The following EPRS1 variants were observed in gnomAD, a reference collection of about 807,000 sequenced individuals.
The protein encoded by EPRS1 is bifunctional glutamate/proline--tRNA ligase.
A neutral mutation model predicts 188.3 loss-of-function variants in EPRS1; 107 were observed. The ratio of observed to expected loss-of-function variants is 0.57; its 90% CI spans 0.49 to 0.67. The LOEUF is 0.67. EPRS1 is among the 30% of genes least tolerant of loss of function. The pLI, the probability that EPRS1 is intolerant of heterozygous loss-of-function variation, is 0.00. For missense variants in EPRS1, 1,577 were observed against 1,802.2 expected (o/e 0.88, Z 2.26); for synonymous variants, 596 against 593.1 (o/e 1.00, Z -0.07).
intron 18 of EPRS1, among the ~76,000 whole-genome samples, chr1:219,994,172 C>G (rs1169087271): frequency 2.0e-5 from 3 of 152,182 alleles, no homozygotes; most frequent in Non-Finnish European, 2.9e-5. Flanking sequence ...GCATTCTCCC[C>G]ATGTCTGTGT....
At chr1:219,975,925 A>G (rs1317132457) in intron 28 of EPRS1, among the ~76,000 whole-genome samples, 1 of 152,146 alleles carries the variant, frequency 6.6e-6, no homozygotes, top group Non-Finnish European at 1.5e-5. Flanking sequence ...GATAGCTCAA[A>G]AGCAATGAGC....
intron 10 of EPRS1, 23 bp from the exon 11 acceptor site, chr1:220,019,102 T>TC (rs1280007199): frequency 6.7e-7 from 1 of 1,483,804 alleles, no homozygotes; most frequent in Admixed American, 1.7e-5. Context: ...AAATTTTAAG[T>TC]ACCAAGGAAA....
At chr1:220,041,155 A>T (rs551406576) in intron 1 of EPRS1, among the ~76,000 whole-genome samples, 1 of 151,612 alleles carries the variant, frequency 6.6e-6, no homozygotes, top group African/African-American at 2.4e-5. Context: ...ACATAGTGAG[A>T]CCCCGTCTCT....
chr1:220,014,861 G>A (rs961899689), intron 12 of EPRS1, among the ~76,000 whole-genome samples: 4 of 152,208 alleles, frequency 2.6e-5, no homozygotes, highest in Admixed American at 1.3e-4. Context: ...TATCTTTAAC[G>A]TGAAAGAAAC....
chr1:219,982,381 T>C (rs1274355317), intron 23 of EPRS1: 1 of 154,158 alleles, frequency 6.5e-6, no homozygotes, highest in East Asian at 1.9e-4. Flanking sequence ...TAGCAACCTA[T>C]GAACACCCTA....
intron 13 of EPRS1, 30 bp downstream of exon 13, chr1:220,010,916 G>T: frequency 7.8e-7 from 1 of 1,287,068 alleles, no homozygotes; most frequent in East Asian, 2.3e-5. Context: ...TTAACAGAGA[G>T]AAACACATTG....
chr1:220,018,866 ATC>A, intron 11 of EPRS1, 127 bp downstream of exon 11: 1 of 500,488 alleles, frequency 2.0e-6, no homozygotes, highest in Non-Finnish European at 3.3e-6. Flanking sequence ...AAAAAAAAAA[ATC>A]TGCCCTTGGA....
chr1:219,970,770 C>T (rs1406703006), intron 30 of EPRS1, among the ~76,000 whole-genome samples: 1 of 127,846 alleles, frequency 7.8e-6, no homozygotes, highest in South Asian at 2.8e-4. Context: ...AAAGCAAGAC[C>T]CTGTACCAAA....
intron 30 of EPRS1, among the ~76,000 whole-genome samples, chr1:219,970,199 A>G (rs533536715): frequency 2.0e-5 from 3 of 152,250 alleles, no homozygotes; most frequent in Non-Finnish European, 4.4e-5. Flanking sequence ...TTTGTCTTCA[A>G]TAACAATTAT....
chr1:220,006,842 A>C (rs1021132203), intron 14 of EPRS1, among the ~76,000 whole-genome samples: 5 of 152,224 alleles, frequency 3.3e-5, no homozygotes, highest in Admixed American at 2.0e-4. Context: ...TTTTAAAGTA[A>C]ATTTTAGTAA....
chr1:219,973,947 T>G (rs1348955717), intron 28 of EPRS1, among the ~76,000 whole-genome samples: 1 of 152,018 alleles, frequency 6.6e-6, no homozygotes, highest in Non-Finnish European at 1.5e-5. Flanking sequence ...GAGAATTTGT[T>G]TTTTTTTGTT....
intron 17 of EPRS1, among the ~76,000 whole-genome samples, chr1:220,000,136 T>A (rs1381210138): frequency 6.6e-6 from 1 of 152,226 alleles, no homozygotes; most frequent in Admixed American, 6.5e-5. Context: ...GTATGTGATT[T>A]TGCAGAACAT....
At chr1:220,037,961 A>G (rs1038716899) in intron 2 of EPRS1, among the ~76,000 whole-genome samples, 4 of 152,236 alleles carry the variant, frequency 2.6e-5, no homozygotes, top group African/African-American at 9.6e-5. Context: ...CAGAATGGTA[A>G]TCAAATGACA....
At chr1:219,991,327 T>C (rs1661118295) in intron 18 of EPRS1, among the ~76,000 whole-genome samples, 1 of 152,132 alleles carries the variant, frequency 6.6e-6, no homozygotes. Context: ...AAAAACTTTT[T>C]TCAAAAAATA....
Position 220,044,681 on chromosome 1 carries a change from C to CAAAAAAAAA in EPRS1, c.46+1653_46+1661dup, listed in dbSNP as rs71560597. ...CAGAGGTTGCAATGAGCTCGGTCTC[C>CAAAAAAAAA]AAAAAAAAAAAAAAAAAAAAAAAAA... is the stretch of plus-strand genomic sequence containing the variant. On this transcript the variant is annotated intron_variant, in intron 1 of 31. Coordinates refer to ENST00000366923, the MANE Select transcript of EPRS1 (RefSeq NM_004446.3). Among the ~76,000 whole-genome samples, 149 of 88,320 alleles carry CAAAAAAAAA rather than the reference C, an allele frequency of 1.7e-3. 17 individuals are homozygous for CAAAAAAAAA. Among genetic ancestry groups the CAAAAAAAAA allele is most frequent in the African/African-American group, 4.4e-3 (106 of 24,098 alleles). 57.9% of individuals were successfully genotyped at this position (88,320 alleles called of 152,430 possible). A position where few individuals can be genotyped will look rare whatever the true frequency, so the allele number is the denominator to read the frequency against.
At position 220,033,611 on chromosome 1, in the gene EPRS1, A is replaced by C; in HGVS notation, c.279T>G (p.Asp93Glu). ...EFSATKLSSC[D>E]SFTSTINELN... ...GTTCATTAATTGTAGAAGTAAAGGA[A>C]TCACATGAAGATAATTTTGTAGCAC... is the stretch of plus-strand genomic sequence containing the variant. Residue 93 changes from aspartate (D) to glutamate (E), a missense_variant, in exon 4 of 32, where the codon GAT (aspartate) becomes GAG (glutamate). Asp to Glu is a conservative substitution (Grantham distance 45, BLOSUM62 2). This residue lies in a region of EPRS1 where 1,278 missense variants were observed against 1,457.4 expected (regional missense o/e 0.88). Coordinates refer to ENST00000366923, the MANE Select transcript of EPRS1 (RefSeq NM_004446.3). 2 of 1,609,602 alleles carry C rather than the reference A, an allele frequency of 1.2e-6. No individual in the cohort carries two copies. Among genetic ancestry groups the C allele is most frequent in the Non-Finnish European group, 1.7e-6 (2 of 1,176,142 alleles).
At chr1:220,042,601 C>T (rs1334393352) in intron 1 of EPRS1, among the ~76,000 whole-genome samples, 1 of 151,484 alleles carries the variant, frequency 6.6e-6, no homozygotes, top group Admixed American at 6.6e-5. Context: ...CACACCCATA[C>T]AATGAAATTT....
rs5781162 is a variant in EPRS1 at position 220,005,375 on chromosome 1, T to TA, written c.1951-16dup. On this transcript the variant is annotated splice_polypyrimidine_tract_variant and intron_variant, in intron 15 of 31. Coordinates refer to ENST00000366923, the MANE Select transcript of EPRS1 (RefSeq NM_004446.3). ...AGCTCTTCATGCTGTAAAGATGATATAAACCAAAGTACACTTTCTCAAAAT... is the reference window on the plus strand; with the variant it reads ...AGCTCTTCATGCTGTAAAGATGATATAAAACCAAAGTACACTTTCTCAAAAT... 1,095,383 of 1,325,454 alleles carry TA rather than the reference T, an allele frequency of 0.83. 455,120 individuals carry two copies. The highest frequency in any genetic ancestry group is 0.97 in the African/African-American group (65,910 of 67,998). The allele number at this position is 1,325,454 out of a possible 1,614,324, so 82.1% of individuals were successfully genotyped here.
intron 19 of EPRS1, among the ~76,000 whole-genome samples, chr1:219,987,912 G>A (rs1010809871): frequency 5.3e-5 from 8 of 152,130 alleles, no homozygotes; most frequent in African/African-American, 7.2e-5. Context: ...TACTGTATTA[G>A]ACAATATTGT....
Sources: gnomAD v4.1 joint callset for allele counts (sites outside exome capture counted in the v4.1 genomes callset) on GRCh38, gnomAD v4.1.1 for gene constraint, gnomAD v4.1.1 regional missense constraint, MANE v1.5 for transcripts, NCBI Gene and HGNC (gene_info 2026-07-23, HGNC 2026-07-21) for gene names.